The following LRP1B variants were observed in gnomAD, a reference collection of about 807,000 sequenced individuals.
LRP1B encodes LDL receptor related protein 1B.
LRP1B carries 217 observed loss-of-function variants against 556.6 expected under a neutral mutation model. That is an observed-to-expected ratio of 0.39 (90% CI 0.35 to 0.44). The LOEUF is 0.44. LRP1B is among the 20% of genes least tolerant of loss of function. The probability of loss-of-function intolerance (pLI) is 1.00; values close to 1 mark genes in which losing one functional copy is unlikely to be tolerated. For synonymous variants in LRP1B, 2,047 were observed against 1,865.8 expected, an observed-to-expected ratio of 1.10 and a Z score of -2.50; for missense variants, 5,053 against 5,620.8, an observed-to-expected ratio of 0.90 and a Z score of 3.23.
At chr2:141,066,032 G>A (rs1699472887) in intron 7 of LRP1B, among the ~76,000 whole-genome samples, 1 of 151,910 alleles carries the variant, frequency 6.6e-6, no homozygotes, top group Admixed American at 6.6e-5. Flanking sequence ...GGGCATTGCT[G>A]TTCTCTTGTT....
Position 141,939,014 on chromosome 2 carries a change from T to C in LRP1B, c.83-128613A>G, listed in dbSNP as rs535065304. Among the ~76,000 whole-genome samples the C allele has an allele frequency of 5.3e-5, 8 of 151,970 alleles. No individual in the cohort carries two copies. In the South Asian group the frequency reaches 6.2e-4, roughly 12 times the overall value. On this transcript the variant is annotated intron_variant, in intron 1 of 90. Coordinates refer to ENST00000389484, the MANE Select transcript of LRP1B (RefSeq NM_018557.3). Reference sequence around the variant, plus strand: ...CTTGGAGGGGAGAGTTATGGGGAGATGTTGGTCAAAAGTAGGAAGTTGTAG... The same window carrying C: ...CTTGGAGGGGAGAGTTATGGGGAGACGTTGGTCAAAAGTAGGAAGTTGTAG...
At chr2:141,623,625 G>A (rs1688584118) in intron 2 of LRP1B, among the ~76,000 whole-genome samples, 1 of 152,022 alleles carries the variant, frequency 6.6e-6, no homozygotes, top group African/African-American at 2.4e-5. Flanking sequence ...CACCCACTTT[G>A]GTGTAGAGTA....
At chr2:141,360,335 G>A (rs1688778195) in intron 3 of LRP1B, among the ~76,000 whole-genome samples, 1 of 152,314 alleles carries the variant, frequency 6.6e-6, no homozygotes, top group African/African-American at 2.4e-5. Flanking sequence ...AGCTAAGTAA[G>A]ACCTTCGTTT....
intron 3 of LRP1B, among the ~76,000 whole-genome samples, chr2:141,354,322 A>T (rs1688547682): frequency 6.6e-6 from 1 of 152,096 alleles, no homozygotes; most frequent in Non-Finnish European, 1.5e-5. Context: ...TATCTAGAAG[A>T]AGGTCAGCAG....
intron 18 of LRP1B, among the ~76,000 whole-genome samples, chr2:140,959,834 A>G (rs1695980893): frequency 2.6e-5 from 4 of 151,718 alleles, no homozygotes; most frequent in Admixed American, 2.6e-4. Context: ...GAAATTTCAA[A>G]AATGCATCAT....
intron 1 of LRP1B, among the ~76,000 whole-genome samples, chr2:142,067,606 T>A (rs1421711212): frequency 6.6e-6 from 1 of 151,562 alleles, no homozygotes; most frequent in African/African-American, 2.4e-5. Context: ...TAAAGCACAG[T>A]TTTTTCTTAT....
chr2:140,852,624 T>G (rs964743629), intron 27 of LRP1B, among the ~76,000 whole-genome samples: 1 of 152,180 alleles, frequency 6.6e-6, no homozygotes, highest in Non-Finnish European at 1.5e-5. Flanking sequence ...GCCTTCATGA[T>G]TAAGTCATCT....
In LRP1B at chr2:140,827,222, A is replaced by G. The variant is rs1691540373; in HGVS notation, c.5209+12769T>C. Among the ~76,000 whole-genome samples, 5 of 152,128 alleles carry G rather than the reference A, an allele frequency of 3.3e-5. No individual in the cohort carries two copies. The South Asian group carries it at 1.0e-3, about 31-fold the overall frequency. On this transcript the variant is annotated intron_variant, in intron 31 of 90. Coordinates refer to ENST00000389484, the MANE Select transcript of LRP1B (RefSeq NM_018557.3). ...TGAAAAGCTATAGACATACATCCATAAGAAACTACAGCAAACAGGGAACCA... is the reference window on the plus strand; with the variant it reads ...TGAAAAGCTATAGACATACATCCATGAGAAACTACAGCAAACAGGGAACCA...
chr2:142,082,317 T>TA (rs368174255), intron 1 of LRP1B, among the ~76,000 whole-genome samples: 2 of 152,040 alleles, frequency 1.3e-5, no homozygotes, highest in Non-Finnish European at 2.9e-5. Context: ...GAATCAAACT[T>TA]AAAAAAAATT....
intron 32 of LRP1B, among the ~76,000 whole-genome samples, chr2:140,807,385 G>A (rs1690755819): frequency 6.6e-6 from 1 of 151,924 alleles, no homozygotes; most frequent in Admixed American, 6.6e-5. Flanking sequence ...CTATCACCCA[G>A]GCTGGAATGC....
intron 1 of LRP1B, among the ~76,000 whole-genome samples, chr2:142,041,235 A>G (rs1355663823): frequency 1.3e-5 from 2 of 151,346 alleles, no homozygotes; most frequent in African/African-American, 4.8e-5. Flanking sequence ...AGTAGGTTGT[A>G]GAGACCTGTT....
chr2:140,623,599 A>G (rs13392778), intron 41 of LRP1B, among the ~76,000 whole-genome samples: 41,189 of 151,890 alleles, frequency 0.27, 6,105 homozygotes, highest in Admixed American at 0.34. Flanking sequence ...ACTATAAAGA[A>G]CCTATGGTTT....
chr2:141,754,990 C>A (rs1342242193), intron 2 of LRP1B, among the ~76,000 whole-genome samples: 2 of 151,224 alleles, frequency 1.3e-5, no homozygotes, highest in African/African-American at 4.9e-5. Flanking sequence ...CCAAACTCTG[C>A]TATCCTCTTA....
intron 41 of LRP1B, among the ~76,000 whole-genome samples, chr2:140,646,483 A>G (rs1684489736): frequency 6.6e-6 from 1 of 152,186 alleles, no homozygotes; most frequent in Admixed American, 6.5e-5. Context: ...TGACTTTTCT[A>G]AGATAACACA....
At chr2:140,808,984 C>G (rs1313330436) in intron 32 of LRP1B, among the ~76,000 whole-genome samples, 2 of 150,852 alleles carry the variant, frequency 1.3e-5, no homozygotes, top group Non-Finnish European at 3.0e-5. Flanking sequence ...TTTTTTTTTT[C>G]TACTAAAGTC....
intron 35 of LRP1B, among the ~76,000 whole-genome samples, chr2:140,718,301 T>C (rs565165410): frequency 6.6e-6 from 1 of 152,146 alleles, no homozygotes; most frequent in African/African-American, 2.4e-5. Context: ...ATCGGGATTG[T>C]CCTGATTATG....
At chr2:140,722,781 C>T (rs913592412) in intron 35 of LRP1B, among the ~76,000 whole-genome samples, 3 of 152,142 alleles carry the variant, frequency 2.0e-5, no homozygotes, top group South Asian at 4.1e-4. Context: ...CAGTGGCTCA[C>T]GCCTGTAATC....
At chr2:140,500,303 C>A (rs1028227534) in intron 55 of LRP1B, among the ~76,000 whole-genome samples, 2 of 151,878 alleles carry the variant, frequency 1.3e-5, no homozygotes, top group Non-Finnish European at 2.9e-5. Flanking sequence ...TCCTAACCAA[C>A]CTAACCATGT....
At chr2:141,558,687 G>T (rs1263741594) in intron 2 of LRP1B, among the ~76,000 whole-genome samples, 1 of 151,742 alleles carries the variant, frequency 6.6e-6, no homozygotes, top group African/African-American at 2.4e-5. Context: ...AAGTAATTCA[G>T]CTAAGATCAA....
Sources: allele counts gnomAD v4.1 joint callset (sites outside exome capture counted in the v4.1 genomes callset), GRCh38; gene constraint gnomAD v4.1.1; transcripts MANE v1.5; gene names NCBI Gene and HGNC (gene_info 2026-07-23, HGNC 2026-07-21).